The following MYO5B variants were observed in gnomAD, a reference collection of about 807,000 sequenced individuals.
MYO5B encodes the protein unconventional myosin-Vb.
In MYO5B, 143 loss-of-function variants were observed where a neutral mutation model predicts 229.3. That is an observed-to-expected ratio of 0.62 (90% CI 0.54 to 0.72). The LOEUF (loss-of-function observed/expected upper bound fraction) is 0.72. Ranked by LOEUF, MYO5B falls within the 30% of genes least tolerant of loss-of-function variation. The pLI is 0.00. For synonymous variants in MYO5B, 918 were observed against 885.2 expected (o/e 1.04, Z -0.66); for missense variants, 2,321 against 2,331.0 (o/e 1.00, Z 0.09).
At chr18:49,953,558 A>C (rs76675985) in intron 13 of MYO5B, among the ~76,000 whole-genome samples, 1,900 of 152,318 alleles carry the variant, frequency 0.012, 28 homozygotes, top group African/African-American at 0.043. Flanking sequence ...TTTTAAAGGG[A>C]GTTCCCATAA....
rs773595558 is a variant in MYO5B, at chr18:50,040,105, T to C, written c.310+38A>G. 9 of 1,610,754 alleles carry C rather than the reference T, an allele frequency of 5.6e-6. No individual in the cohort carries two copies. The East Asian group carries it at 1.1e-4, about 20-fold the overall frequency. On this transcript the variant is annotated intron_variant, in intron 3 of 39. Coordinates refer to ENST00000285039, the MANE Select transcript of MYO5B (RefSeq NM_001080467.3). ...GAGCAAGTCTAAAGCTGGTAAGCACTTTCCAACGCATGCAGCCAACAGATG... is the reference window on the plus strand; with the variant it reads ...GAGCAAGTCTAAAGCTGGTAAGCACCTTCCAACGCATGCAGCCAACAGATG...
At position 49,872,249 on chromosome 18, in the gene MYO5B, A is replaced by G; in HGVS notation, c.3538-17T>C. ...TGGTTCCGCCTGCATGGATAGAGAC[A>G]CAAAGATAAGTGCAGACCTCGAGCA... is the stretch of plus-strand genomic sequence containing the variant. On this transcript the variant is annotated splice_polypyrimidine_tract_variant and intron_variant, in intron 26 of 39. Coordinates refer to ENST00000285039, the MANE Select transcript of MYO5B (RefSeq NM_001080467.3). 6.2e-7 allele frequency: 1 copy of G among 1,613,728 alleles called. No individual in the cohort carries two copies. Among genetic ancestry groups the G allele is most frequent in the East Asian group, 2.2e-5 (1 of 44,880 alleles).
intron 14 of MYO5B, among the ~76,000 whole-genome samples, chr18:49,939,189 A>G (rs1471326106): frequency 7.7e-6 from 1 of 129,098 alleles, no homozygotes; most frequent in Non-Finnish European, 1.6e-5. Context: ...CTCTGTTACC[A>G]GGCTGGAGTG....
intron 10 of MYO5B, among the ~76,000 whole-genome samples, chr18:49,965,617 AT>A (rs1164716272): frequency 1.3e-5 from 2 of 152,120 alleles, no homozygotes; most frequent in Non-Finnish European, 2.9e-5. Context: ...GTTAGGCCTT[AT>A]TATTAATCCC....
intron 39 of MYO5B, among the ~76,000 whole-genome samples, chr18:49,827,172 C>G (rs189529515): frequency 6.6e-6 from 1 of 152,336 alleles, no homozygotes; most frequent in Non-Finnish European, 1.5e-5. Flanking sequence ...CTTGATTGGA[C>G]ATTTATAACA....
At chr18:49,981,771 A>C (rs1003951398) in intron 8 of MYO5B, among the ~76,000 whole-genome samples, 4 of 152,200 alleles carry the variant, frequency 2.6e-5, no homozygotes, top group African/African-American at 9.7e-5. Flanking sequence ...TTATTTGAAT[A>C]CGTGGTATTA....
intron 4 of MYO5B, among the ~76,000 whole-genome samples, chr18:50,002,502 C>T (rs538803973): frequency 2.6e-5 from 4 of 152,126 alleles, no homozygotes; most frequent in Non-Finnish European, 4.4e-5. Flanking sequence ...AGGAGGGCCA[C>T]GCTGGTGCCA....
At chr18:49,930,865 C>T (rs1001447110) in intron 16 of MYO5B, among the ~76,000 whole-genome samples, 1 of 148,474 alleles carries the variant, frequency 6.7e-6, no homozygotes, top group Non-Finnish European at 1.5e-5. Context: ...GCACTGCAGC[C>T]TGGGTGACAG....
At chr18:49,876,913 C>G (rs778744748) in intron 25 of MYO5B, among the ~76,000 whole-genome samples, 18 of 152,212 alleles carry the variant, frequency 1.2e-4, no homozygotes, top group Non-Finnish European at 2.2e-4. Context: ...TAGCACTTAG[C>G]AGGACCTGCA....
intron 30 of MYO5B, 39 bp downstream of exon 30, chr18:49,856,774 C>G (rs554734355): frequency 6.4e-7 from 1 of 1,551,796 alleles, no homozygotes; most frequent in South Asian, 1.1e-5. Context: ...GCAGGCCCAA[C>G]GGACAAAGCA....
At chr18:49,954,231 A>C (rs907774727) in intron 13 of MYO5B, 82 bp downstream of exon 13, 2 of 1,586,786 alleles carry the variant, frequency 1.3e-6, no homozygotes, top group African/African-American at 2.7e-5. Context: ...GAAGGGACAG[A>C]TTTCTCTCTA....
intron 1 of MYO5B, among the ~76,000 whole-genome samples, chr18:50,105,451 C>T (rs930889024): frequency 6.6e-6 from 1 of 152,068 alleles, no homozygotes. Flanking sequence ...AACCTGTGAG[C>T]TCTGAACCAG....
intron 4 of MYO5B, among the ~76,000 whole-genome samples, chr18:50,005,142 C>T (rs187015303): frequency 2.0e-5 from 3 of 152,278 alleles, no homozygotes; most frequent in African/African-American, 4.8e-5. Flanking sequence ...ATTTTTCCCA[C>T]TCAAAAAAGT....
Position 49,953,355 on chromosome 18 carries a change from G to A in MYO5B, c.1669-12C>T. On this transcript the variant is annotated splice_polypyrimidine_tract_variant and intron_variant, in intron 13 of 39. Coordinates refer to ENST00000285039, the MANE Select transcript of MYO5B (RefSeq NM_001080467.3). ...GAGAGGTACTCCACCTGGGGCCACA[G>A]CAACCAGAGAGAGACACAGTCGTTA... 1 of 1,612,368 alleles carries A rather than the reference G, an allele frequency of 6.2e-7. No homozygotes were observed. Among genetic ancestry groups the A allele is most frequent in the Non-Finnish European group, 8.5e-7 (1 of 1,178,368 alleles).
chr18:49,968,994 C>T (rs560663310), intron 10 of MYO5B, among the ~76,000 whole-genome samples: 10 of 152,278 alleles, frequency 6.6e-5, no homozygotes, highest in Admixed American at 3.3e-4. Context: ...GAAGGTGGAG[C>T]CTGGCTTTAG....
chr18:50,089,748 T>C (rs897174477), intron 1 of MYO5B, among the ~76,000 whole-genome samples: 2 of 152,204 alleles, frequency 1.3e-5, no homozygotes, highest in Non-Finnish European at 2.9e-5. Flanking sequence ...TGTAAAGTCC[T>C]GGCCCTTAGA....
At chr18:50,151,898 T>C (rs924280094) in intron 1 of MYO5B, among the ~76,000 whole-genome samples, 1 of 152,088 alleles carries the variant, frequency 6.6e-6, no homozygotes, top group African/African-American at 2.4e-5. Flanking sequence ...GGTTCCAGCT[T>C]CCTCAGCCTG....
At chr18:50,000,365 G>C (rs1295433450) in intron 5 of MYO5B, among the ~76,000 whole-genome samples, 1 of 152,184 alleles carries the variant, frequency 6.6e-6, no homozygotes, top group African/African-American at 2.4e-5. Context: ...TCCAATTAGA[G>C]ATGGACTAGA....
chr18:50,155,069 T>C (rs2032658634), intron 1 of MYO5B, among the ~76,000 whole-genome samples: 1 of 152,190 alleles, frequency 6.6e-6, no homozygotes, highest in Non-Finnish European at 1.5e-5. Flanking sequence ...ATTTGAAAAA[T>C]AGCTGTTAAA....
Sources: allele counts gnomAD v4.1 joint callset (sites outside exome capture counted in the v4.1 genomes callset), GRCh38; gene constraint gnomAD v4.1.1; transcripts MANE v1.5; gene names NCBI Gene and HGNC (gene_info 2026-07-23, HGNC 2026-07-21).